ACAD11: variants seen among roughly 807,000 people sequenced by gnomAD.
ACAD11 encodes acyl-CoA dehydrogenase family member 11, also known as acyl-Coenzyme A dehydrogenase family, member 11.
Under a neutral mutation model 102.2 loss-of-function variants are expected in ACAD11, and 83 were observed. The ratio of observed to expected loss-of-function variants is 0.81; its 90% CI spans 0.68 to 0.97. The LOEUF (loss-of-function observed/expected upper bound fraction) is 0.97. Among genes scored for constraint, ACAD11 ranks in the 50% least tolerant of loss-of-function variants. The pLI, the probability that ACAD11 is intolerant of heterozygous loss-of-function variation, is 0.00. For synonymous variants in ACAD11, 324 were observed against 319.8 expected (o/e 1.01, Z -0.14); for missense variants, 901 against 951.7 (o/e 0.95, Z 0.70).
At position 132,558,878 on chromosome 3, in the gene ACAD11, A is replaced by C; in HGVS notation, c.*93T>G. 1 of 898,014 alleles carries C rather than the reference A, an allele frequency of 1.1e-6. No homozygotes were observed. Among genetic ancestry groups the C allele is most frequent in the Non-Finnish European group, 1.8e-6 (1 of 568,518 alleles). The allele number at this position is 898,014 out of a possible 1,614,324, so 55.6% of individuals were successfully genotyped here. ...AATGAATAATTAACCCTGTGCTCAA[A>C]CTGCTACAAAAATATGAGATTCAAA... On this transcript the variant is annotated 3_prime_UTR_variant, in exon 20 of 20. Coordinates refer to ENST00000264990, the MANE Select transcript of ACAD11 (RefSeq NM_032169.5).
At chr3:132,603,093 G>A (rs1292106218) in intron 13 of ACAD11, 136 bp downstream of exon 13, 15 of 737,004 alleles carry the variant, frequency 2.0e-5, no homozygotes, top group African/African-American at 1.6e-4. Flanking sequence ...GTTAGCCACC[G>A]CACCTGGCCT....
chr3:132,632,828 C>T (rs1940103903), intron 5 of ACAD11, among the ~76,000 whole-genome samples: 1 of 152,108 alleles, frequency 6.6e-6, no homozygotes, highest in Non-Finnish European at 1.5e-5. Flanking sequence ...GTATTTTATT[C>T]TCTTTGAAGC....
In ACAD11 at chr3:132,579,565, C is replaced by A. The variant is rs780905412; in HGVS notation, c.1622-7G>T. On this transcript the variant is annotated splice_region_variant and splice_polypyrimidine_tract_variant and intron_variant, in intron 13 of 19. Coordinates refer to ENST00000264990, the MANE Select transcript of ACAD11 (RefSeq NM_032169.5). Reference sequence around the variant, plus strand: ...CACTTGGGATTCCCAGCTCCTAAAACCAAGGGGAACACAAGCAGATTATAA... The same window carrying A: ...CACTTGGGATTCCCAGCTCCTAAAAACAAGGGGAACACAAGCAGATTATAA... 3.7e-6 allele frequency: 6 copies of A among 1,612,198 alleles called. No homozygotes were observed. In the Admixed American group the frequency reaches 1.0e-4, roughly 27 times the overall value.
intron 13 of ACAD11, among the ~76,000 whole-genome samples, chr3:132,590,144 G>A (rs1331748875): frequency 1.3e-5 from 2 of 152,284 alleles, no homozygotes; most frequent in African/African-American, 4.8e-5. Context: ...TGTGAGTAGT[G>A]CTGCAATGAA....
At chr3:132,599,303 C>A (rs957012454) in intron 13 of ACAD11, among the ~76,000 whole-genome samples, 1 of 151,736 alleles carries the variant, frequency 6.6e-6, no homozygotes, top group African/African-American at 2.4e-5. Context: ...GTCAGGAGTG[C>A]GAGAACAGTC....
At chr3:132,612,171 T>C (rs1346190362) in intron 11 of ACAD11, among the ~76,000 whole-genome samples, 3 of 152,050 alleles carry the variant, frequency 2.0e-5, no homozygotes, top group Non-Finnish European at 4.4e-5. Context: ...TGGCTAGCCA[T>C]ATGTAGAAAG....
In ACAD11 at chr3:132,570,366, A is replaced by G. The variant is rs142870460; in HGVS notation, c.2001+5406T>C. Among the ~76,000 whole-genome samples, 164 of 152,268 alleles carry G rather than the reference A, an allele frequency of 1.1e-3. 1 individual carries two copies. The highest frequency in any genetic ancestry group is 3.8e-3 in the African/African-American group (156 of 41,550). ...AACACAGAATTGGTGTTTACAATGG[A>G]GAAAAATGTTCATCAAGATGAGTTA... is the stretch of plus-strand genomic sequence containing the variant. On this transcript the variant is annotated intron_variant, in intron 17 of 19. Coordinates refer to ENST00000264990, the MANE Select transcript of ACAD11 (RefSeq NM_032169.5).
intron 9 of ACAD11, among the ~76,000 whole-genome samples, chr3:132,621,568 C>A (rs943433316): frequency 6.6e-6 from 1 of 152,012 alleles, no homozygotes; most frequent in Non-Finnish European, 1.5e-5. Context: ...AAAAGATAAA[C>A]AAAGGAAAGG....
At chr3:132,592,742 G>C (rs1046384568) in intron 13 of ACAD11, among the ~76,000 whole-genome samples, 2 of 152,094 alleles carry the variant, frequency 1.3e-5, no homozygotes, top group Non-Finnish European at 2.9e-5. Context: ...TTTGGTTTTA[G>C]CTTTAATACT....
chr3:132,641,474 G>C (rs1026876381), intron 4 of ACAD11, among the ~76,000 whole-genome samples: 2 of 151,984 alleles, frequency 1.3e-5, no homozygotes, highest in Non-Finnish European at 2.9e-5. Context: ...AACCTGGGAG[G>C]TGGAGCTTGC....
chr3:132,566,825 G>A (rs1937227124), intron 17 of ACAD11, among the ~76,000 whole-genome samples: 1 of 152,038 alleles, frequency 6.6e-6, no homozygotes, highest in Non-Finnish European at 1.5e-5. Flanking sequence ...TGGAAAATCA[G>A]GAAAGAAGAA....
Position 132,605,134 on chromosome 3 carries a change from G to C in ACAD11, c.1486C>G (p.Leu496Val), listed in dbSNP as rs770484988. ...AAGCAAGAGGTAATGTTCCCTTGAA[G>C]AAGAGGCTCAAGCCACTGTTTCTTC... ...EQKKQWLEPL[L>V]QGNITSCFCM... Residue 496 changes from leucine to valine, a missense_variant, in exon 12 of 20, where the codon CTT becomes GTT. Leu to Val is a conservative substitution (Grantham distance 32). Transcript: ENST00000264990. 1 of 1,613,380 alleles carries C rather than the reference G, an allele frequency of 6.2e-7. No individual in the cohort carries two copies. The highest frequency in any genetic ancestry group is 1.3e-5 in the African/African-American group (1 of 74,904).
At chr3:132,575,357 G>A (rs539772993) in intron 17 of ACAD11, among the ~76,000 whole-genome samples, 1 of 152,252 alleles carries the variant, frequency 6.6e-6, no homozygotes, top group Admixed American at 6.5e-5. Context: ...TTATTAGCAT[G>A]TTTCTCCTTT....
At position 132,579,287 on chromosome 3, in the gene ACAD11, C is replaced by T. The variant is rs966954700; in HGVS notation, c.1688+205G>A. 41 of 617,732 alleles carry T rather than the reference C, an allele frequency of 6.6e-5. 1 individual carries two copies. The Admixed American group carries it at 7.1e-4, about 11-fold the overall frequency. The allele number at this position is 617,732 out of a possible 1,614,324, so 38.3% of individuals were successfully genotyped here. ...CTTTCTAATACTGAAAATTCCACAG[C>T]GAAGAATGTTCAGCAATACTCCCTA... On this transcript the variant is annotated intron_variant, in intron 14 of 19. Transcript: ENST00000264990.
At chr3:132,658,768 T>C (rs59426843) in intron 1 of ACAD11, among the ~76,000 whole-genome samples, 56,859 of 152,086 alleles carry the variant, frequency 0.37, 13,333 homozygotes, top group East Asian at 0.71. Context: ...ATATAAATGC[T>C]AGTGATAAAA....
At chr3:132,643,515 A>G (rs1271540732) in intron 2 of ACAD11, among the ~76,000 whole-genome samples, 2 of 152,188 alleles carry the variant, frequency 1.3e-5, no homozygotes, top group African/African-American at 2.4e-5. Context: ...TGGCTTATCT[A>G]CATGTAGTCA....
chr3:132,644,924 C>G, intron 1 of ACAD11, 28 bp from the exon 2 acceptor site: 1 of 1,304,460 alleles, frequency 7.7e-7, no homozygotes, highest in Non-Finnish European at 1.1e-6. Flanking sequence ...AAAAAAAGGT[C>G]AATTACAAAG....
At chr3:132,577,681 T>C (rs1937542271) in intron 15 of ACAD11, among the ~76,000 whole-genome samples, 1 of 152,158 alleles carries the variant, frequency 6.6e-6, no homozygotes, top group Admixed American at 6.5e-5. Flanking sequence ...GATAATCTCA[T>C]GCTAACTCTA....
intron 11 of ACAD11, among the ~76,000 whole-genome samples, chr3:132,606,505 G>GA (rs555008220): frequency 1.2e-4 from 18 of 150,960 alleles, no homozygotes; most frequent in African/African-American, 1.9e-4. Flanking sequence ...TTACAGGTTG[G>GA]AAAAAAAAAC....
Sources: allele counts gnomAD v4.1 joint callset (sites outside exome capture counted in the v4.1 genomes callset), GRCh38; gene constraint gnomAD v4.1.1; transcripts MANE v1.5; gene names NCBI Gene and HGNC (gene_info 2026-07-23, HGNC 2026-07-21).